The following BCAS1 variants were observed in gnomAD, a reference collection of about 807,000 sequenced individuals.
BCAS1 encodes brain enriched myelin associated protein 1.
BCAS1 carries 46 observed loss-of-function variants against 65.4 expected under a neutral mutation model. The ratio of observed to expected loss-of-function variants is 0.70; its 90% CI spans 0.55 to 0.90. The LOEUF (loss-of-function observed/expected upper bound fraction) is 0.90. Among genes scored for constraint, BCAS1 ranks in the 40% least tolerant of loss-of-function variants. BCAS1 has a pLI of 0.00. For missense variants in BCAS1, 793 were observed against 771.2 expected (o/e 1.03, Z -0.33); for synonymous variants, 298 against 293.5 (o/e 1.02, Z -0.16).
chr20:53,999,747 T>C (rs1172003835), intron 4 of BCAS1, among the ~76,000 whole-genome samples: 1 of 152,162 alleles, frequency 6.6e-6, no homozygotes, highest in African/African-American at 2.4e-5. Context: ...TTCTTTTTTT[T>C]TGAGACAGAG....
intron 11 of BCAS1, among the ~76,000 whole-genome samples, chr20:53,954,293 T>TA (rs2089627562): frequency 1.7e-5 from 1 of 59,288 alleles, no homozygotes; most frequent in Non-Finnish European, 3.4e-5. Context: ...AGCTGAGAAA[T>TA]GGAGAGAGAG....
At chr20:54,029,251 T>A in intron 3 of BCAS1, 1 of 984,794 alleles carries the variant, frequency 1.0e-6, no homozygotes, top group South Asian at 4.7e-5. Flanking sequence ...TAATTAATCT[T>A]CTTTTATCTG....
chr20:53,979,548 T>C (rs563882210), intron 8 of BCAS1, among the ~76,000 whole-genome samples: 9 of 152,192 alleles, frequency 5.9e-5, no homozygotes, highest in Non-Finnish European at 1.2e-4. Context: ...AAGAGACAGG[T>C]GAACTCTCGT....
intron 1 of BCAS1, chr20:54,068,476 A>AT (rs2092472505): frequency 6.5e-6 from 1 of 154,118 alleles, no homozygotes; most frequent in African/African-American, 2.4e-5. Flanking sequence ...GCCTCCCTGC[A>AT]TTTTATCCCC....
At chr20:53,979,594 T>A (rs772155047) in intron 8 of BCAS1, among the ~76,000 whole-genome samples, 1 of 152,154 alleles carries the variant, frequency 6.6e-6, no homozygotes, top group Non-Finnish European at 1.5e-5. Context: ...ATGAGTGGGA[T>A]AAATTGGCAC....
intron 8 of BCAS1, 113 bp downstream of exon 8, chr20:53,985,171 TGAA>T (rs1300379517): frequency 1.2e-5 from 12 of 1,020,340 alleles, no homozygotes; most frequent in East Asian, 2.4e-5. Flanking sequence ...CGAGTCATTT[TGAA>T]GAAGAAGAAA....
At chr20:54,066,276 G>T (rs148882489) in intron 1 of BCAS1, among the ~76,000 whole-genome samples, 4 of 152,158 alleles carry the variant, frequency 2.6e-5, no homozygotes, top group Non-Finnish European at 5.9e-5. Flanking sequence ...GTTTCCCCGT[G>T]TTAGCCAGGA....
Position 54,027,058 on chromosome 20 carries a change from A to C in BCAS1, c.723+1334T>G, listed in dbSNP as rs189202170. On this transcript the variant is annotated intron_variant, in intron 4 of 12. Transcript: ENST00000688948. ...CCTGGTGCATTTGGAGACTTATTTT[A>C]AATTATACGGAAAGTTATTCAACCG... Among the ~76,000 whole-genome samples the C allele has an allele frequency of 1.5e-3, 222 of 152,304 alleles. 1 individual carries two copies. The highest frequency in any genetic ancestry group is 5.1e-3 in the African/African-American group (213 of 41,548).
chr20:54,004,464 G>A (rs573402201), intron 4 of BCAS1, among the ~76,000 whole-genome samples: 3 of 152,306 alleles, frequency 2.0e-5, no homozygotes, highest in East Asian at 1.9e-4. Flanking sequence ...GGATATTTTT[G>A]TGTAGGTGAA....
chr20:53,994,307 G>A (rs995222552), intron 6 of BCAS1, among the ~76,000 whole-genome samples: 5 of 152,192 alleles, frequency 3.3e-5, no homozygotes, highest in South Asian at 2.1e-4. Flanking sequence ...TAGAGGTAAC[G>A]AGCCTTGTCC....
At chr20:54,062,694 A>G (rs977959781) in intron 1 of BCAS1, among the ~76,000 whole-genome samples, 3 of 152,216 alleles carry the variant, frequency 2.0e-5, no homozygotes, top group Non-Finnish European at 4.4e-5. Flanking sequence ...CTTCCCACAG[A>G]GTTGGGGTTA....
chr20:54,031,927 TGAAAACTTCC>T lies in BCAS1; in HGVS notation c.143-2965_143-2956del, dbSNP rs545070351. ...AAAACATATTTCAGGAGTTCATCCCTGAAAACTTCCCCAACCTAGCTAGAGGGGCCAACAT... is the reference window on the plus strand; with the variant it reads ...AAAACATATTTCAGGAGTTCATCCCTCCAACCTAGCTAGAGGGGCCAACAT... On this transcript the variant is annotated intron_variant, in intron 3 of 12. Transcript: ENST00000688948. Among the ~76,000 whole-genome samples, 163 of 151,346 alleles carry T rather than the reference TGAAAACTTCC, an allele frequency of 1.1e-3. 3 individuals carry two copies. Among genetic ancestry groups the T allele is most frequent in the African/African-American group, 3.7e-3 (153 of 41,450 alleles).
At chr20:54,036,336 A>C (rs2091899356) in intron 3 of BCAS1, among the ~76,000 whole-genome samples, 1 of 151,498 alleles carries the variant, frequency 6.6e-6, no homozygotes, top group South Asian at 2.1e-4. Flanking sequence ...ATCAAGAATG[A>C]CAGTAGCAGC....
chr20:54,009,468 C>T (rs893970841), intron 4 of BCAS1, among the ~76,000 whole-genome samples: 2 of 152,028 alleles, frequency 1.3e-5, no homozygotes, highest in African/African-American at 4.8e-5. Context: ...AATTTGATAA[C>T]GGGCAAAATG....
Position 53,992,583 on chromosome 20 carries a change from T to A in BCAS1, c.991A>T (p.Arg331Ter). The change falls in exon 7 of 13, where the codon AGA becomes TGA. Residue 331 changes from arginine to a stop codon, truncating the protein, a stop_gained. Transcript: ENST00000688948. LOFTEE classifies it high-confidence loss of function. ...TCCAGGTGCTTTTTCTTGGTGCCTCTAGCCTGGATCTCGGATGTCTTCTGA... is the reference window on the plus strand; with the variant it reads ...TCCAGGTGCTTTTTCTTGGTGCCTCAAGCCTGGATCTCGGATGTCTTCTGA... ...AGQKTSEIQA[R>*]GTKKKHLDSP... 1 of 1,365,854 alleles carries A rather than the reference T, an allele frequency of 7.3e-7. No individual in the cohort carries two copies. The highest frequency in any genetic ancestry group is 9.8e-7 in the Non-Finnish European group (1 of 1,021,706). The allele number at this position is 1,365,854 out of a possible 1,614,324, so 84.6% of individuals were successfully genotyped here.
At chr20:54,060,114 T>G (rs1180184618) in intron 1 of BCAS1, among the ~76,000 whole-genome samples, 1 of 152,220 alleles carries the variant, frequency 6.6e-6, no homozygotes, top group African/African-American at 2.4e-5. Flanking sequence ...AGAGCAAGAC[T>G]GCCTGGGCAT....
At chr20:53,976,737 C>T (rs1260601710) in intron 8 of BCAS1, among the ~76,000 whole-genome samples, 1 of 152,176 alleles carries the variant, frequency 6.6e-6, no homozygotes, top group African/African-American at 2.4e-5. Flanking sequence ...CGTGTGAATT[C>T]CTTTCTTCAC....
intron 11 of BCAS1, among the ~76,000 whole-genome samples, chr20:53,954,324 AG>A (rs1568805347): frequency 4.6e-5 from 7 of 151,808 alleles, no homozygotes; most frequent in Admixed American, 3.9e-4. Flanking sequence ...AGAGAGAGAG[AG>A]AGAGAGAGAG....
intron 3 of BCAS1, among the ~76,000 whole-genome samples, chr20:54,040,263 A>G (rs939956636): frequency 6.6e-6 from 1 of 151,354 alleles, no homozygotes; most frequent in African/African-American, 2.4e-5. Context: ...TTTTCTTAAA[A>G]AGGCTCTACA....
Sources: gnomAD v4.1 joint callset for allele counts (sites outside exome capture counted in the v4.1 genomes callset) on GRCh38, gnomAD v4.1.1 for gene constraint, MANE v1.5 for transcripts, NCBI Gene and HGNC (gene_info 2026-07-23, HGNC 2026-07-21) for gene names.